ICE1: variants seen among roughly 807,000 people sequenced by gnomAD.
ICE1 encodes the protein interactor of little elongation complex ELL subunit 1.
Under a neutral mutation model 192.7 loss-of-function variants are expected in ICE1, and 64 were observed. That is an observed-to-expected ratio of 0.33 (90% CI 0.27 to 0.41). The LOEUF (loss-of-function observed/expected upper bound fraction) is 0.41. Among genes scored for constraint, ICE1 ranks in the 10% least tolerant of loss-of-function variants. ICE1 has a pLI of 1.00. For synonymous variants in ICE1, 1,010 were observed against 984.5 expected (o/e 1.03, Z -0.49); for missense variants, 2,708 against 2,696.0 (o/e 1.00, Z -0.10).
intron 18 of ICE1, among the ~76,000 whole-genome samples, chr5:5,488,685 T>A (rs932744881): frequency 4.6e-5 from 7 of 152,144 alleles, no homozygotes; most frequent in African/African-American, 1.7e-4. Flanking sequence ...CTACAAAAAG[T>A]TTTTCATTAT....
intron 17 of ICE1, among the ~76,000 whole-genome samples, chr5:5,484,625 T>C (rs186005267): frequency 3.9e-5 from 6 of 152,350 alleles, no homozygotes; most frequent in South Asian, 2.1e-4. Context: ...TATCCTGATA[T>C]TCTTTGATCA....
intron 14 of ICE1, among the ~76,000 whole-genome samples, chr5:5,467,494 T>C (rs1281987504): frequency 6.6e-6 from 1 of 152,200 alleles, no homozygotes; most frequent in African/African-American, 2.4e-5. Context: ...ACTCTTGTGT[T>C]TCACTCCATT....
At position 5,462,901 on chromosome 5, in the gene ICE1, A is replaced by G. The variant is rs1441572914; in HGVS notation, c.3567A>G (p.Ser1189=). 2 of 1,608,780 alleles carry G rather than the reference A, an allele frequency of 1.2e-6. No individual in the cohort carries two copies. The highest frequency in any genetic ancestry group is 1.7e-6 in the Non-Finnish European group (2 of 1,177,230). Reference sequence around the variant, plus strand: ...GCTGTCAGTTAGGGGATTATAGTTCAGGGGACTCTGTTTCTGAATGTTCTA... The same window carrying G: ...GCTGTCAGTTAGGGGATTATAGTTCGGGGGACTCTGTTTCTGAATGTTCTA... ...LESCQLGDYS[S]GDSVSECSSK... The change falls in exon 13 of 19, where the codon TCA becomes TCG. Residue 1189 remains serine, a synonymous_variant. Coordinates refer to ENST00000296564, the MANE Select transcript of ICE1 (RefSeq NM_015325.3).
chr5:5,437,390 A>G (rs1737899721), intron 3 of ICE1: 1 of 310,906 alleles, frequency 3.2e-6, no homozygotes, highest in Non-Finnish European at 5.9e-6. Context: ...CTTAATTTGT[A>G]CTGAGGATGT....
At position 5,463,338 on chromosome 5, in the gene ICE1, G is replaced by A. The variant is rs771761962; in HGVS notation, c.4004G>A (p.Gly1335Asp). 2 of 1,613,536 alleles carry A rather than the reference G, an allele frequency of 1.2e-6. No individual in the cohort carries two copies. The highest frequency in any genetic ancestry group is 1.1e-5 in the South Asian group (1 of 90,976). The part of the protein sequence containing the change: ...LDTEGSSPIS[G>D]MPQNENPQSR... Reference sequence around the variant, plus strand: ...ACTGAGGGCAGCTCTCCCATCAGCGGTATGCCTCAGAATGAAAACCCTCAG... The same window carrying A: ...ACTGAGGGCAGCTCTCCCATCAGCGATATGCCTCAGAATGAAAACCCTCAG... The change falls in exon 13 of 19, where the codon GGT becomes GAT. Residue 1335 changes from glycine to aspartate, a missense_variant. This residue lies in a region of ICE1 where 2,366 missense variants were observed against 2,276.6 expected (regional missense o/e 1.04). Coordinates refer to ENST00000296564, the MANE Select transcript of ICE1 (RefSeq NM_015325.3).
rs1261756096 is a variant in ICE1, at chr5:5,452,194, G to T, written c.605-2358G>T. ...TTTTTTTTTTTTTTTTGTACTGGAG[G>T]CCTGAACCAGTGCAACAGAATAAAT... is the stretch of plus-strand genomic sequence containing the variant. On this transcript the variant is annotated intron_variant, in intron 10 of 18. Coordinates refer to ENST00000296564, the MANE Select transcript of ICE1 (RefSeq NM_015325.3). 2.1e-5 allele frequency among the ~76,000 whole-genome samples: 3 copies of T among 145,640 alleles called. No individual in the cohort carries two copies. The East Asian group carries it at 5.9e-4, about 29-fold the overall frequency.
chr5:5,484,595 T>C (rs1739587904), intron 17 of ICE1, among the ~76,000 whole-genome samples: 1 of 152,242 alleles, frequency 6.6e-6, no homozygotes, highest in African/African-American at 2.4e-5. Flanking sequence ...ATATTTACAA[T>C]ATCATCTTAC....
At chr5:5,456,006 T>C (rs1283684912) in intron 11 of ICE1, among the ~76,000 whole-genome samples, 1 of 152,184 alleles carries the variant, frequency 6.6e-6, no homozygotes, top group African/African-American at 2.4e-5. Context: ...AGAATATTAT[T>C]TTGTAGAATA....
chr5:5,457,306 A>AT, intron 11 of ICE1, 26 bp from the exon 12 acceptor site: 1 of 1,558,226 alleles, frequency 6.4e-7, no homozygotes, highest in Middle Eastern at 1.8e-4. Flanking sequence ...TAAATACCTG[A>AT]TACCTACTTT....
chr5:5,423,120 C>A (rs777828409), intron 1 of ICE1, 121 bp downstream of exon 1: 1 of 492,526 alleles, frequency 2.0e-6, no homozygotes, highest in Non-Finnish European at 3.2e-6. Context: ...CCTTCCCAAC[C>A]GTAGCTCTTG....
chr5:5,432,601 C>G (rs532707833), intron 1 of ICE1, among the ~76,000 whole-genome samples: 1 of 152,284 alleles, frequency 6.6e-6, no homozygotes, highest in East Asian at 1.9e-4. Context: ...CTAGTTTGCT[C>G]AGCAGCTGCC....
rs137943155 is a variant in ICE1, at chr5:5,452,625, G to A, written c.605-1927G>A. Among the ~76,000 whole-genome samples the A allele has an allele frequency of 2.0e-3, 310 of 152,162 alleles. 8 individuals carry two copies. The East Asian group carries it at 0.049, about 24-fold the overall frequency. On this transcript the variant is annotated intron_variant, in intron 10 of 18. Coordinates refer to ENST00000296564, the MANE Select transcript of ICE1 (RefSeq NM_015325.3). Reference sequence around the variant, plus strand: ...TTATAAATATACAGAAATATTCAAAGTCCCATAGATGTTTTCTATGGAAGA... The same window carrying A: ...TTATAAATATACAGAAATATTCAAAATCCCATAGATGTTTTCTATGGAAGA...
chr5:5,447,697 A>C, intron 8 of ICE1, 24 bp from the exon 9 acceptor site: 6 of 1,554,250 alleles, frequency 3.9e-6, no homozygotes, highest in Non-Finnish European at 5.2e-6. Context: ...CAGCATAAAC[A>C]CTATTAATAT....
chr5:5,457,811 C>A, intron 12 of ICE1, 70 bp downstream of exon 12: 1 of 1,371,078 alleles, frequency 7.3e-7, no homozygotes, highest in South Asian at 1.3e-5. Flanking sequence ...CCTTGATGCT[C>A]AAAGGATATT....
At chr5:5,423,047 C>A in intron 1 of ICE1, 48 bp downstream of exon 1, 1 of 1,272,090 alleles carries the variant, frequency 7.9e-7, no homozygotes. Flanking sequence ...CTCGGCTCGG[C>A]CGGCCGGGAG....
chr5:5,428,517 C>T (rs1193191862), intron 1 of ICE1, among the ~76,000 whole-genome samples: 1 of 152,144 alleles, frequency 6.6e-6, no homozygotes, highest in East Asian at 1.9e-4. Context: ...CACAATAATA[C>T]AAATAACCCT....
At position 5,464,806 on chromosome 5, in the gene ICE1, T is replaced by G; in HGVS notation, c.5472T>G (p.Asp1824Glu). Residue 1824 changes from aspartate to glutamate, a missense_variant, in exon 13 of 19, where the codon GAT becomes GAG. Transcript: ENST00000296564. The surrounding 1 kb of genome is among the most constrained non-coding windows in gnomAD (Gnocchi z 4.0). ...ACTGTAACCAAGACAAGTCAAGAGA[T>G]TTGGGGACTCAGCAGGATTCAAGCG... Reference protein sequence around the residue: ...GGDCNQDKSRDLGTQQDSSGK... With the variant: ...GGDCNQDKSRELGTQQDSSGK... 1.2e-6 allele frequency: 2 copies of G among 1,613,628 alleles called. No individual in the cohort carries two copies. Among genetic ancestry groups the G allele is most frequent in the Non-Finnish European group, 1.7e-6 (2 of 1,179,780 alleles).
At chr5:5,484,511 G>A (rs935576658) in intron 17 of ICE1, among the ~76,000 whole-genome samples, 2 of 152,126 alleles carry the variant, frequency 1.3e-5, no homozygotes, top group African/African-American at 4.8e-5. Flanking sequence ...TTTGAAAGTG[G>A]TCAGTGACCT....
In ICE1 at chr5:5,465,105, A is replaced by G; in HGVS notation, c.5771A>G (p.Glu1924Gly). 1 of 1,613,396 alleles carries G rather than the reference A, an allele frequency of 6.2e-7. No homozygotes were observed. The highest frequency in any genetic ancestry group is 8.5e-7 in the Non-Finnish European group (1 of 1,179,604). The stretch of plus-strand genomic sequence containing the variant: ...GCTAATGCCCTGAAGAAAATTGCAG[A>G]GTTTTCTTTTGATCTGTTACCTGTC... Reference protein sequence around the residue: ...AIANALKKIAEFSFDLLPVIR... With the variant: ...AIANALKKIAGFSFDLLPVIR... The change falls in exon 13 of 19, where the codon GAG becomes GGG. Residue 1924 changes from glutamate to glycine, a missense_variant. Physicochemically the swap from Glu to Gly is moderately conservative, Grantham distance 98. Transcript: ENST00000296564.
Sources: allele counts gnomAD v4.1 joint callset (sites outside exome capture counted in the v4.1 genomes callset), GRCh38; gene constraint gnomAD v4.1.1; regional missense constraint gnomAD v4.1.1; non-coding constraint Gnocchi (gnomAD v3.1); transcripts MANE v1.5; gene names NCBI Gene and HGNC (gene_info 2026-07-23, HGNC 2026-07-21).